SLC4A10: variants seen among roughly 807,000 people sequenced by gnomAD.
SLC4A10 encodes solute carrier family 4 member 10.
A neutral mutation model predicts 137.7 loss-of-function variants in SLC4A10; 42 were observed. That is an observed-to-expected ratio of 0.30 (90% CI 0.24 to 0.39). The LOEUF (loss-of-function observed/expected upper bound fraction) is 0.39, where lower values mean the gene tolerates loss of function less well. Among genes scored for constraint, SLC4A10 ranks in the 10% least tolerant of loss-of-function variants. The pLI, the probability that SLC4A10 is intolerant of heterozygous loss-of-function variation, is 1.00. For missense variants in SLC4A10, 925 were observed against 1,355.0 expected (o/e 0.68, Z 4.98); for synonymous variants, 474 against 464.1 (o/e 1.02, Z -0.27).
At chr2:161,634,149 C>T (rs970530826) in intron 1 of SLC4A10, among the ~76,000 whole-genome samples, 2 of 151,822 alleles carry the variant, frequency 1.3e-5, no homozygotes, top group Non-Finnish European at 2.9e-5. Context: ...CAGTTTGTGA[C>T]AGTTATTAAG....
intron 3 of SLC4A10, among the ~76,000 whole-genome samples, chr2:161,830,609 A>C (rs1218586578): frequency 6.6e-6 from 1 of 152,068 alleles, no homozygotes; most frequent in Admixed American, 6.6e-5. Flanking sequence ...TTATTACCCT[A>C]CTTTACCCAG....
chr2:161,897,300 C>G (rs1270173947), intron 11 of SLC4A10, among the ~76,000 whole-genome samples: 1 of 152,164 alleles, frequency 6.6e-6, no homozygotes, highest in East Asian at 1.9e-4. Flanking sequence ...ATACTGCCAC[C>G]TCTATGCCTA....
chr2:161,633,152 A>G (rs1019517019), intron 1 of SLC4A10, among the ~76,000 whole-genome samples: 2 of 151,690 alleles, frequency 1.3e-5, no homozygotes, highest in Admixed American at 1.3e-4. Context: ...AATGCCATAT[A>G]TGGAAGATGC....
chr2:161,756,108 T>C (rs938123726), intron 1 of SLC4A10, among the ~76,000 whole-genome samples: 2 of 152,196 alleles, frequency 1.3e-5, no homozygotes, highest in Non-Finnish European at 2.9e-5. Context: ...AAAAGTATGC[T>C]GTACCATTTG....
At chr2:161,667,498 T>C (rs559622315) in intron 1 of SLC4A10, among the ~76,000 whole-genome samples, 31 of 151,704 alleles carry the variant, frequency 2.0e-4, no homozygotes, top group Admixed American at 3.9e-4. Context: ...TAAGCTTTAA[T>C]TTGACATTGC....
intron 2 of SLC4A10, among the ~76,000 whole-genome samples, chr2:161,791,353 A>G (rs2054189207): frequency 6.6e-6 from 1 of 152,204 alleles, no homozygotes; most frequent in Admixed American, 6.5e-5. Flanking sequence ...ACCCTCAGCA[A>G]ACTAAAGCAG....
intron 14 of SLC4A10, among the ~76,000 whole-genome samples, chr2:161,905,209 G>A (rs559927069): frequency 2.7e-4 from 41 of 152,282 alleles, no homozygotes; most frequent in African/African-American, 7.9e-4. Context: ...ACCAGGGACT[G>A]GTTTCATGGA....
chr2:161,631,670 A>G (rs2033585088), intron 1 of SLC4A10, among the ~76,000 whole-genome samples: 1 of 151,720 alleles, frequency 6.6e-6, no homozygotes, highest in African/African-American at 2.4e-5. Context: ...TTCTTATGGC[A>G]ATATTTTGCA....
Position 161,905,879 on chromosome 2 carries a change from A to G in SLC4A10, c.1989A>G (p.Thr663=), listed in dbSNP as rs1451740858. ...TGCATAATGATCTGGAACTGCTGACACAATACTCGTAAGTACCATTTCCCC... is the reference window on the plus strand; with the variant it reads ...TGCATAATGATCTGGAACTGCTGACGCAATACTCGTAAGTACCATTTCCCC... ...INMHNDLELL[T]QYSCNCVEPH... Residue 663 remains threonine, a synonymous_variant, in exon 15 of 27, where the codon ACA becomes ACG. Transcript: ENST00000446997. 5 of 1,608,490 alleles carry G rather than the reference A, an allele frequency of 3.1e-6. No individual in the cohort carries two copies. The highest frequency in any genetic ancestry group is 4.2e-6 in the Non-Finnish European group (5 of 1,176,934).
chr2:161,721,651 T>C (rs975564506), intron 1 of SLC4A10, among the ~76,000 whole-genome samples: 3 of 152,158 alleles, frequency 2.0e-5, no homozygotes, highest in Admixed American at 6.5e-5. Flanking sequence ...GAGAATCTGA[T>C]GACTATATGT....
intron 1 of SLC4A10, among the ~76,000 whole-genome samples, chr2:161,687,975 A>G (rs990982235): frequency 9.2e-5 from 14 of 152,122 alleles, no homozygotes; most frequent in Admixed American, 5.2e-4. Context: ...GTAAGAATGG[A>G]CTAATACAAA....
At chr2:161,828,673 T>G (rs1221970438) in intron 3 of SLC4A10, among the ~76,000 whole-genome samples, 1 of 145,022 alleles carries the variant, frequency 6.9e-6, no homozygotes, top group Middle Eastern at 3.6e-3. Flanking sequence ...CTTGTTTGAT[T>G]CAGACAACCT....
At chr2:161,949,304 A>G in intron 18 of SLC4A10, 43 bp downstream of exon 18, 1 of 1,299,596 alleles carries the variant, frequency 7.7e-7, no homozygotes, top group South Asian at 1.2e-5. Flanking sequence ...TCTCGGTCTA[A>G]TCTTCATTTA....
At chr2:161,944,214 A>C (rs1693282436) in intron 16 of SLC4A10, among the ~76,000 whole-genome samples, 1 of 151,880 alleles carries the variant, frequency 6.6e-6, no homozygotes, top group Non-Finnish European at 1.5e-5. Flanking sequence ...ATAGTTATTC[A>C]GAATTTAGAC....
chr2:161,833,175 A>C (rs2125750706), intron 3 of SLC4A10, among the ~76,000 whole-genome samples: 1 of 152,346 alleles, frequency 6.6e-6, no homozygotes, highest in Non-Finnish European at 1.5e-5. Context: ...AAAATGAGTG[A>C]GGTGGGTCAT....
intron 1 of SLC4A10, among the ~76,000 whole-genome samples, chr2:161,750,973 G>A (rs74854650): frequency 6.6e-6 from 1 of 151,456 alleles, no homozygotes; most frequent in East Asian, 1.9e-4. Flanking sequence ...ACAACTTTCT[G>A]TGTACCTAGA....
rs1700510626 is a variant in SLC4A10 at position 161,983,618 on chromosome 2, A to G, written c.*466A>G. 6.0e-6 allele frequency: 1 copy of G among 166,722 alleles called. No individual in the cohort carries two copies. The highest frequency in any genetic ancestry group is 1.3e-5 in the Non-Finnish European group (1 of 78,078). The allele number at this position is 166,722 out of a possible 1,614,324, so 10.3% of individuals were successfully genotyped here. ...ATAATTTCATTCAGAAGAATTTTTGAAAGGTAGTCTTACTTCTTTTTAGTT... is the reference window on the plus strand; with the variant it reads ...ATAATTTCATTCAGAAGAATTTTTGGAAGGTAGTCTTACTTCTTTTTAGTT... On this transcript the variant is annotated 3_prime_UTR_variant, in exon 27 of 27. Coordinates refer to ENST00000446997, the MANE Select transcript of SLC4A10 (RefSeq NM_001178015.2).
intron 18 of SLC4A10, 88 bp downstream of exon 18, chr2:161,949,349 A>G (rs991408045): frequency 1.7e-5 from 14 of 804,520 alleles, no homozygotes; most frequent in Non-Finnish European, 2.4e-5. Context: ...TAGGATTTTC[A>G]TGAAAATATG....
chr2:161,789,480 T>C (rs1198961176), intron 2 of SLC4A10, among the ~76,000 whole-genome samples: 1 of 152,036 alleles, frequency 6.6e-6, no homozygotes, highest in Non-Finnish European at 1.5e-5. Context: ...CTTTGATCTT[T>C]CTACAAACTG....
Sources: allele counts gnomAD v4.1 joint callset (sites outside exome capture counted in the v4.1 genomes callset), GRCh38; gene constraint gnomAD v4.1.1; transcripts MANE v1.5; gene names NCBI Gene and HGNC (gene_info 2026-07-23, HGNC 2026-07-21).